Variants in CSMD1 observed in about 807,000 individuals in gnomAD.
CSMD1 encodes the protein CUB and Sushi multiple domains 1, also known as CUB and sushi domain-containing protein 1.
In CSMD1, 213 loss-of-function variants were observed where a neutral mutation model predicts 417.5. That is an observed-to-expected ratio of 0.51 (90% CI 0.46 to 0.57). The LOEUF (loss-of-function observed/expected upper bound fraction) is 0.57. Ranked by LOEUF, CSMD1 falls within the 20% of genes least tolerant of loss-of-function variation. CSMD1 has a pLI of 0.00. For synonymous variants in CSMD1, 2,862 were observed against 1,736.8 expected, an observed-to-expected ratio of 1.65 and a Z score of -16.11; for missense variants, 6,923 against 4,529.7, an observed-to-expected ratio of 1.53 and a Z score of -15.17.
chr8:4,016,979 C>G (rs1025390504), intron 4 of CSMD1, among the ~76,000 whole-genome samples: 1 of 152,046 alleles, frequency 6.6e-6, no homozygotes, highest in Non-Finnish European at 1.5e-5. Context: ...TGTCTAAAAC[C>G]CTGAAATCAC....
At chr8:3,775,515 G>C (rs1052487582) in intron 5 of CSMD1, among the ~76,000 whole-genome samples, 5 of 152,166 alleles carry the variant, frequency 3.3e-5, no homozygotes, top group African/African-American at 2.4e-5. Flanking sequence ...ATTTCCAATA[G>C]GATCCTAATA....
chr8:3,778,953 C>T (rs1168832229), intron 5 of CSMD1, among the ~76,000 whole-genome samples: 1 of 152,174 alleles, frequency 6.6e-6, no homozygotes, highest in Non-Finnish European at 1.5e-5. Context: ...GGAGGACAAT[C>T]AGCCTTGGCT....
Position 3,409,647 on chromosome 8 carries a change from C to G in CSMD1, c.1562-42G>C, listed in dbSNP as rs559441840. 137 of 1,462,522 alleles carry G rather than the reference C, an allele frequency of 9.4e-5. 1 individual carries two copies. The South Asian group carries it at 1.7e-3, about 18-fold the overall frequency. The allele number at this position is 1,462,522 out of a possible 1,614,324, so 90.6% of individuals were successfully genotyped here. A position where few individuals can be genotyped will look rare whatever the true frequency, so the allele number is the denominator to read the frequency against. On this transcript the variant is annotated intron_variant, in intron 12 of 69. Transcript: ENST00000635120. ...AAATGAACCCTTAAAAAAACACACA[C>G]AAGGAATATTTTTATCTCTACAACT...
At chr8:4,536,698 G>C (rs183610903) in intron 2 of CSMD1, among the ~76,000 whole-genome samples, 3 of 152,242 alleles carry the variant, frequency 2.0e-5, no homozygotes, top group Non-Finnish European at 2.9e-5. Flanking sequence ...ACTAATGCCA[G>C]AATAAAAAGT....
chr8:3,985,060 C>G lies in CSMD1; in HGVS notation c.818+12843G>C, dbSNP rs535448042. Reference sequence around the variant, plus strand: ...TTGATTACTGTGCTCATGTTCTTAGCTTTCAAAAACACTGTGGCTTTTATG... The same window carrying G: ...TTGATTACTGTGCTCATGTTCTTAGGTTTCAAAAACACTGTGGCTTTTATG... On this transcript the variant is annotated intron_variant, in intron 5 of 69. Transcript: ENST00000635120. 5.3e-5 allele frequency among the ~76,000 whole-genome samples: 8 copies of G among 152,092 alleles called. No individual in the cohort carries two copies. The East Asian group carries it at 5.8e-4, about 11-fold the overall frequency.
At chr8:3,729,274 T>A (rs1176976237) in intron 6 of CSMD1, among the ~76,000 whole-genome samples, 2 of 152,128 alleles carry the variant, frequency 1.3e-5, no homozygotes, top group African/African-American at 2.4e-5. Flanking sequence ...ACAGGAAGTG[T>A]TCACCTCCTG....
chr8:4,559,792 T>A (rs1458306661), intron 2 of CSMD1, among the ~76,000 whole-genome samples: 3 of 152,370 alleles, frequency 2.0e-5, no homozygotes, highest in Middle Eastern at 3.4e-3. Context: ...ATTTTCCACC[T>A]GAGACACACG....
intron 1 of CSMD1, among the ~76,000 whole-genome samples, chr8:4,956,348 T>C (rs1247838252): frequency 6.6e-6 from 1 of 151,364 alleles, no homozygotes; most frequent in Non-Finnish European, 1.5e-5. Flanking sequence ...ACTATAAATG[T>C]ATACTTGTTT....
At chr8:4,088,545 C>T (rs540280653) in intron 3 of CSMD1, among the ~76,000 whole-genome samples, 1 of 152,174 alleles carries the variant, frequency 6.6e-6, no homozygotes, top group South Asian at 2.1e-4. Flanking sequence ...AACTAAATCT[C>T]TCAAACCTTA....
At position 4,807,223 on chromosome 8, in the gene CSMD1, C is replaced by T. The variant is rs115299951; in HGVS notation, c.86-169665G>A. 7.3e-3 allele frequency among the ~76,000 whole-genome samples: 1,115 copies of T among 152,224 alleles called. 10 individuals are homozygous for T. Among genetic ancestry groups the T allele is most frequent in the African/African-American group, 0.026 (1,063 of 41,534 alleles). Reference sequence around the variant, plus strand: ...CCCATCTGCCTGTCCACCACTCACCCGGGGGTTCGGCAGCTTCTCCCACAG... The same window carrying T: ...CCCATCTGCCTGTCCACCACTCACCTGGGGGTTCGGCAGCTTCTCCCACAG... On this transcript the variant is annotated intron_variant, in intron 1 of 69. Transcript: ENST00000635120.
chr8:4,531,214 G>A (rs1246625450), intron 2 of CSMD1, among the ~76,000 whole-genome samples: 2 of 152,036 alleles, frequency 1.3e-5, no homozygotes, highest in Non-Finnish European at 2.9e-5. Context: ...CAGTTGTTTT[G>A]CCATTTTTAG....
chr8:4,070,488 G>C (rs1023574478), intron 3 of CSMD1, among the ~76,000 whole-genome samples: 1 of 152,044 alleles, frequency 6.6e-6, no homozygotes, highest in Non-Finnish European at 1.5e-5. Context: ...CTCCCGAGTA[G>C]CTGGGACTAC....
At chr8:4,050,487 G>A (rs576726165) in intron 3 of CSMD1, among the ~76,000 whole-genome samples, 26 of 152,056 alleles carry the variant, frequency 1.7e-4, no homozygotes, top group Middle Eastern at 6.8e-3. Flanking sequence ...AATTTTAATT[G>A]CATCAGGGTA....
chr8:4,111,951 T>C (rs1207701567), intron 3 of CSMD1, among the ~76,000 whole-genome samples: 1 of 151,774 alleles, frequency 6.6e-6, no homozygotes, highest in Non-Finnish European at 1.5e-5. Flanking sequence ...AAAAGCACAG[T>C]CTCTGTAATT....
chr8:3,979,305 C>A (rs888028728), intron 5 of CSMD1, among the ~76,000 whole-genome samples: 2 of 152,148 alleles, frequency 1.3e-5, no homozygotes, highest in African/African-American at 2.4e-5. Context: ...GATGTAGTAA[C>A]AGAGGTGTGA....
intron 9 of CSMD1, among the ~76,000 whole-genome samples, chr8:3,583,370 G>A (rs142770640): frequency 2.0e-5 from 3 of 151,990 alleles, no homozygotes; most frequent in African/African-American, 4.8e-5. Context: ...AAGGCCTCAG[G>A]TGCCTCGAAT....
chr8:3,268,862 C>T (rs144209168), intron 26 of CSMD1, among the ~76,000 whole-genome samples: 42 of 152,178 alleles, frequency 2.8e-4, no homozygotes, highest in African/African-American at 9.9e-4. Flanking sequence ...TGGACAAACA[C>T]CCTTCCAACA....
chr8:4,241,646 T>A (rs563097257), intron 3 of CSMD1, among the ~76,000 whole-genome samples: 1 of 152,100 alleles, frequency 6.6e-6, no homozygotes, highest in African/African-American at 2.4e-5. Flanking sequence ...ATGATCAAAA[T>A]CATTACAAAT....
At chr8:3,882,009 T>A (rs568922568) in intron 5 of CSMD1, among the ~76,000 whole-genome samples, 6 of 152,122 alleles carry the variant, frequency 3.9e-5, no homozygotes, top group African/African-American at 1.4e-4. Flanking sequence ...TATTCTACGA[T>A]GTCTGATGAT....
Sources: allele counts gnomAD v4.1 joint callset (sites outside exome capture counted in the v4.1 genomes callset), GRCh38; gene constraint gnomAD v4.1.1; transcripts MANE v1.5; gene names NCBI Gene and HGNC (gene_info 2026-07-23, HGNC 2026-07-21).